NRXN3: variants seen among roughly 807,000 people sequenced by gnomAD.
The protein encoded by NRXN3 is neurexin III.
A neutral mutation model predicts 137.6 loss-of-function variants in NRXN3; 32 were observed. The observed-to-expected ratio is 0.23, with a 90% CI of 0.18 to 0.31. The LOEUF is 0.31. Among genes scored for constraint, NRXN3 ranks in the 10% least tolerant of loss-of-function variants. NRXN3 has a pLI of 1.00. For missense variants in NRXN3, 1,574 were observed against 2,062.5 expected (o/e 0.76, Z 4.59); for synonymous variants, 798 against 784.5 (o/e 1.02, Z -0.29).
At chr14:79,848,714 G>A (rs535841033) in intron 20 of NRXN3, among the ~76,000 whole-genome samples, 1 of 151,992 alleles carries the variant, frequency 6.6e-6, no homozygotes, top group Non-Finnish European at 1.5e-5. Flanking sequence ...TCCAGCCCTG[G>A]CCCCTCACCT....
intron 6 of NRXN3, among the ~76,000 whole-genome samples, chr14:78,653,333 T>C (rs1323381636): frequency 5.3e-5 from 8 of 152,176 alleles, no homozygotes; most frequent in Non-Finnish European, 1.5e-5. Context: ...TTAAACACTG[T>C]TAAATCACAC....
At chr14:79,502,647 G>T (rs1294401356) in intron 16 of NRXN3, among the ~76,000 whole-genome samples, 1 of 151,796 alleles carries the variant, frequency 6.6e-6, no homozygotes, top group African/African-American at 2.4e-5. Context: ...TTTTGGTCAA[G>T]ATTCAAGTGG....
chr14:78,431,167 AG>A (rs1248489943), intron 4 of NRXN3, among the ~76,000 whole-genome samples: 1 of 152,144 alleles, frequency 6.6e-6, no homozygotes, highest in Non-Finnish European at 1.5e-5. Flanking sequence ...TATTTCCCCT[AG>A]GTGTGGTTCC....
intron 10 of NRXN3, among the ~76,000 whole-genome samples, chr14:78,956,204 C>T (rs575222864): frequency 1.8e-4 from 27 of 152,298 alleles, no homozygotes; most frequent in African/African-American, 6.5e-4. Context: ...CGTCTTTCTT[C>T]ATGAGCTCAG....
At chr14:79,064,813 G>GTA in intron 15 of NRXN3, among the ~76,000 whole-genome samples, 1 of 133,112 alleles carries the variant, frequency 7.5e-6, no homozygotes, top group South Asian at 2.3e-4. Context: ...ATGTGTGTGT[G>GTA]TGTGTGTGTG....
intron 16 of NRXN3, among the ~76,000 whole-genome samples, chr14:79,499,542 T>A (rs2096798956): frequency 6.6e-6 from 1 of 152,210 alleles, no homozygotes; most frequent in Non-Finnish European, 1.5e-5. Context: ...GCCTCACTTT[T>A]GAATGAAAGT....
At chr14:78,213,414 G>C (rs1241178905) in intron 1 of NRXN3, among the ~76,000 whole-genome samples, 2 of 151,936 alleles carry the variant, frequency 1.3e-5, no homozygotes, top group African/African-American at 4.8e-5. Flanking sequence ...GAAGGAGGGA[G>C]AGTGTTCAGA....
intron 15 of NRXN3, among the ~76,000 whole-genome samples, chr14:79,133,826 G>A (rs1179146934): frequency 2.0e-5 from 3 of 151,902 alleles, no homozygotes; most frequent in African/African-American, 7.3e-5. Flanking sequence ...CTACTCGGGA[G>A]GCTGAGGCAG....
At chr14:79,248,402 C>G (rs539438986) in intron 15 of NRXN3, among the ~76,000 whole-genome samples, 1 of 152,118 alleles carries the variant, frequency 6.6e-6, no homozygotes, top group Admixed American at 6.6e-5. Context: ...TCTAGCTGTT[C>G]TCTCTTCCCT....
At chr14:78,316,237 C>A (rs2078695452) in intron 4 of NRXN3, among the ~76,000 whole-genome samples, 1 of 152,028 alleles carries the variant, frequency 6.6e-6, no homozygotes, top group African/African-American at 2.4e-5. Context: ...AATAAAGGCT[C>A]CCCACCCCCA....
chr14:79,364,898 A>T (rs942903254), intron 15 of NRXN3, among the ~76,000 whole-genome samples: 21 of 152,118 alleles, frequency 1.4e-4, no homozygotes, highest in Admixed American at 6.6e-5. Flanking sequence ...GAGTGCCCCT[A>T]CTTACTATTC....
intron 16 of NRXN3, among the ~76,000 whole-genome samples, chr14:79,503,224 G>A (rs760271440): frequency 5.9e-5 from 9 of 151,814 alleles, no homozygotes; most frequent in Non-Finnish European, 1.2e-4. Flanking sequence ...ATCTTGTTGC[G>A]GGATATACAT....
At chr14:79,732,476 A>G (rs1427469452) in intron 19 of NRXN3, among the ~76,000 whole-genome samples, 1 of 152,160 alleles carries the variant, frequency 6.6e-6, no homozygotes, top group African/African-American at 2.4e-5. Flanking sequence ...TCATCTGCTT[A>G]GCTGTAAGGC....
At chr14:78,597,663 C>T (rs1210882254) in intron 4 of NRXN3, among the ~76,000 whole-genome samples, 1 of 152,094 alleles carries the variant, frequency 6.6e-6, no homozygotes, top group African/African-American at 2.4e-5. Flanking sequence ...CTCCAAGGGC[C>T]CTACTAACAA....
rs536953025 is a variant in NRXN3, at chr14:78,721,837, G to C, written c.2044+6698G>C. Among the ~76,000 whole-genome samples the C allele has an allele frequency of 2.6e-5, 4 of 151,870 alleles. No homozygotes were observed. In the South Asian group the frequency reaches 6.2e-4, roughly 24 times the overall value. On this transcript the variant is annotated intron_variant, in intron 8 of 20. Coordinates refer to ENST00000335750, the MANE Select transcript of NRXN3 (RefSeq NM_001330195.2). ...GCAATTCATTTACATAAATCAAACT[G>C]TCTCCTTTTTTTTTTGTTTGTTTTT...
chr14:78,329,915 A>G (rs1336286507), intron 4 of NRXN3, among the ~76,000 whole-genome samples: 4 of 152,198 alleles, frequency 2.6e-5, no homozygotes, highest in African/African-American at 7.2e-5. Flanking sequence ...GAACACTGAT[A>G]GTGATTAGAT....
At chr14:79,719,706 C>G (rs1189741460) in intron 19 of NRXN3, among the ~76,000 whole-genome samples, 1 of 152,072 alleles carries the variant, frequency 6.6e-6, no homozygotes, top group Non-Finnish European at 1.5e-5. Context: ...GTCTTTCTTT[C>G]CTTCCTTATC....
At chr14:78,814,465 A>C (rs1314973668) in intron 10 of NRXN3, among the ~76,000 whole-genome samples, 1 of 152,062 alleles carries the variant, frequency 6.6e-6, no homozygotes, top group Non-Finnish European at 1.5e-5. Flanking sequence ...AAATACAAAA[A>C]TTAGCCGGGT....
rs950972665 is a variant in NRXN3 at position 78,835,844 on chromosome 14, T to C, written c.2275+25500T>C. Among the ~76,000 whole-genome samples, 8 of 152,242 alleles carry C rather than the reference T, an allele frequency of 5.3e-5. No homozygotes were observed. In the East Asian group the frequency reaches 1.4e-3, roughly 26 times the overall value. The stretch of plus-strand genomic sequence containing the variant: ...CCTCAAAGACTCTAAGTCTATGCTA[T>C]GTAGAAAATGCAGTGTTTCTTATCT... On this transcript the variant is annotated intron_variant, in intron 10 of 20. Coordinates refer to ENST00000335750, the MANE Select transcript of NRXN3 (RefSeq NM_001330195.2).
Sources: gnomAD v4.1 joint callset for allele counts (sites outside exome capture counted in the v4.1 genomes callset) on GRCh38, gnomAD v4.1.1 for gene constraint, MANE v1.5 for transcripts, NCBI Gene and HGNC (gene_info 2026-07-23, HGNC 2026-07-21) for gene names.